Variants in MTUS1 observed in about 807,000 individuals in gnomAD.
MTUS1 encodes microtubule associated scaffold protein 1, also known as microtubule-associated tumor suppressor 1.
A neutral mutation model predicts 120.8 loss-of-function variants in MTUS1; 109 were observed. The ratio of observed to expected loss-of-function variants is 0.90; its 90% CI spans 0.77 to 1.06. The LOEUF (loss-of-function observed/expected upper bound fraction) is 1.06, where lower values mean the gene tolerates loss of function less well. Among genes scored for constraint, MTUS1 ranks in the 50% least tolerant of loss-of-function variants. The probability of loss-of-function intolerance (pLI) is 0.00; values close to 1 mark genes in which losing one functional copy is unlikely to be tolerated. For missense variants in MTUS1, 2,210 were observed against 1,486.3 expected, an observed-to-expected ratio of 1.49 and a Z score of -8.01; for synonymous variants, 737 against 550.5, an observed-to-expected ratio of 1.34 and a Z score of -4.74.
chr8:17,721,778 G>C, intron 4 of MTUS1: 1 of 1,614,164 alleles, frequency 6.2e-7, no homozygotes, highest in South Asian at 1.1e-5. Context: ...ACGACCAGCA[G>C]TGTCAATAAG....
At chr8:17,763,814 G>C (rs2049242522) in intron 1 of MTUS1, among the ~76,000 whole-genome samples, 1 of 152,178 alleles carries the variant, frequency 6.6e-6, no homozygotes, top group Admixed American at 6.5e-5. Context: ...GTGTGTTCCA[G>C]ACAGCAGAAT....
intron 8 of MTUS1, among the ~76,000 whole-genome samples, chr8:17,671,797 C>T (rs944114359): frequency 3.3e-5 from 5 of 152,150 alleles, no homozygotes; most frequent in Non-Finnish European, 5.9e-5. Flanking sequence ...ACACCAACTC[C>T]CATCGCCCCA....
chr8:17,694,158 C>G (rs1002687132), intron 6 of MTUS1, among the ~76,000 whole-genome samples: 7 of 152,148 alleles, frequency 4.6e-5, no homozygotes, highest in Non-Finnish European at 2.9e-5. Context: ...AACTCCTAGC[C>G]TTAAGTGATT....
At chr8:17,724,994 A>C (rs1299717450) in intron 3 of MTUS1, among the ~76,000 whole-genome samples, 1 of 152,120 alleles carries the variant, frequency 6.6e-6, no homozygotes, top group African/African-American at 2.4e-5. Flanking sequence ...GGCCTTAAGC[A>C]GTCCTCCCGC....
intron 6 of MTUS1, among the ~76,000 whole-genome samples, chr8:17,700,670 T>C (rs1341760863): frequency 1.3e-5 from 2 of 150,416 alleles, no homozygotes; most frequent in Non-Finnish European, 3.0e-5. Flanking sequence ...TTCTTTATTA[T>C]ATGTTTTTGT....
intron 1 of MTUS1, among the ~76,000 whole-genome samples, chr8:17,778,569 C>G (rs996344069): frequency 6.6e-6 from 1 of 152,156 alleles, no homozygotes. Flanking sequence ...GTAATCCCAG[C>G]ACTTTGGAGG....
chr8:17,664,633 G>A lies in MTUS1; in HGVS notation c.2906-8568C>T, dbSNP rs532828896. On this transcript the variant is annotated intron_variant, in intron 8 of 14. Coordinates refer to ENST00000693296, the MANE Select transcript of MTUS1 (RefSeq NM_001363059.2). ...ACAGTACATACCCATTACACTTCTC[G>A]GGGTAAACAGAACTGTCACTTCTCT... 1.5e-4 allele frequency among the ~76,000 whole-genome samples: 23 copies of A among 152,016 alleles called. 1 individual carries two copies. The South Asian group carries it at 2.9e-3, about 19-fold the overall frequency.
intron 1 of MTUS1, among the ~76,000 whole-genome samples, chr8:17,758,715 G>A (rs1255126277): frequency 6.6e-6 from 1 of 152,120 alleles, no homozygotes; most frequent in Non-Finnish European, 1.5e-5. Context: ...TATGCAAAGT[G>A]CACTGCAAAC....
chr8:17,777,615 A>G (rs1025921185), intron 1 of MTUS1, among the ~76,000 whole-genome samples: 1 of 152,148 alleles, frequency 6.6e-6, no homozygotes, highest in Non-Finnish European at 1.5e-5. Context: ...GCAGAAATGA[A>G]AAACAGTGAA....
chr8:17,747,792 C>A (rs376618972), intron 2 of MTUS1, among the ~76,000 whole-genome samples: 22 of 152,174 alleles, frequency 1.4e-4, no homozygotes, highest in Admixed American at 1.2e-3. Context: ...GGGCAACTTA[C>A]AAAAGAAAGA....
intron 2 of MTUS1, chr8:17,748,341 ATT>A: frequency 6.6e-6 from 1 of 152,184 alleles, no homozygotes; most frequent in Non-Finnish European, 1.5e-5. Flanking sequence ...AGCCACTTTC[ATT>A]GCTAAATAAA....
At chr8:17,735,976 A>G (rs1378688090) in intron 3 of MTUS1, among the ~76,000 whole-genome samples, 1 of 152,170 alleles carries the variant, frequency 6.6e-6, no homozygotes, top group African/African-American at 2.4e-5. Context: ...CATTGGAACG[A>G]TTTGCTTAGA....
chr8:17,750,024 T>C (rs756351732), intron 2 of MTUS1, among the ~76,000 whole-genome samples: 4 of 152,196 alleles, frequency 2.6e-5, no homozygotes, highest in Non-Finnish European at 5.9e-5. Context: ...CAGTAAATGG[T>C]GGAGCTACAA....
chr8:17,725,688 C>G (rs571010438), intron 3 of MTUS1, among the ~76,000 whole-genome samples: 2 of 152,298 alleles, frequency 1.3e-5, no homozygotes, highest in African/African-American at 4.8e-5. Flanking sequence ...TTGGGATTCT[C>G]CACCATCTAC....
intron 8 of MTUS1, chr8:17,674,954 A>T: frequency 7.8e-7 from 1 of 1,279,670 alleles, no homozygotes; most frequent in African/African-American, 1.5e-5. Context: ...TATTTTGCTC[A>T]TCAGAAGTTC....
intron 14 of MTUS1, among the ~76,000 whole-genome samples, chr8:17,646,611 T>C (rs1284767740): frequency 6.6e-6 from 1 of 152,088 alleles, no homozygotes; most frequent in Non-Finnish European, 1.5e-5. Flanking sequence ...ATAATAACTG[T>C]ACTTTTTGGG....
chr8:17,693,160 C>G (rs1316632477), intron 6 of MTUS1: 1 of 152,172 alleles, frequency 6.6e-6, no homozygotes, highest in African/African-American at 2.4e-5. Context: ...CTTTTCCCTC[C>G]ACTAACTCAT....
At chr8:17,760,803 A>AG (rs1343240012) in intron 1 of MTUS1, among the ~76,000 whole-genome samples, 1 of 121,192 alleles carries the variant, frequency 8.3e-6, no homozygotes. Context: ...AGTGTGCTGG[A>AG]GGGAAAAAAA....
intron 8 of MTUS1, among the ~76,000 whole-genome samples, chr8:17,664,301 G>C (rs113691873): frequency 6.6e-6 from 1 of 152,130 alleles, no homozygotes; most frequent in Admixed American, 6.5e-5. Flanking sequence ...ATATAAAAAA[G>C]AAAAGTGCCA....
Sources: gnomAD v4.1 joint callset for allele counts (sites outside exome capture counted in the v4.1 genomes callset) on GRCh38, gnomAD v4.1.1 for gene constraint, MANE v1.5 for transcripts, NCBI Gene and HGNC (gene_info 2026-07-23, HGNC 2026-07-21) for gene names.